The following DLG2 variants were observed in gnomAD, a reference collection of about 807,000 sequenced individuals.
DLG2 encodes the protein discs large MAGUK scaffold protein 2, also known as disks large homolog 2.
In DLG2, 45 loss-of-function variants were observed where a neutral mutation model predicts 132.5. That is an observed-to-expected ratio of 0.34 (90% CI 0.27 to 0.44). The LOEUF (loss-of-function observed/expected upper bound fraction) is 0.44. Among genes scored for constraint, DLG2 ranks in the 20% least tolerant of loss-of-function variants. The pLI, the probability that DLG2 is intolerant of heterozygous loss-of-function variation, is 1.00. For synonymous variants in DLG2, 424 were observed against 419.6 expected (o/e 1.01, Z -0.13); for missense variants, 1,045 against 1,196.9 (o/e 0.87, Z 1.87).
intron 6 of DLG2, among the ~76,000 whole-genome samples, chr11:84,921,711 A>T (rs930483758): frequency 2.0e-5 from 3 of 152,158 alleles, no homozygotes; most frequent in African/African-American, 7.2e-5. Flanking sequence ...TTTCAAAAAG[A>T]TGAGGAGGGA....
chr11:85,367,362 T>C (rs1050591810), intron 3 of DLG2, among the ~76,000 whole-genome samples: 1 of 152,138 alleles, frequency 6.6e-6, no homozygotes, highest in African/African-American at 2.4e-5. Context: ...ACCTAACTTT[T>C]CCTGTCAGTA....
intron 22 of DLG2, chr11:83,483,371 G>A (rs919184544): frequency 1.2e-5 from 14 of 1,134,636 alleles, no homozygotes; most frequent in Non-Finnish European, 1.7e-5. Flanking sequence ...GAAGTCAGTG[G>A]AGTTGAAATG....
intron 19 of DLG2, among the ~76,000 whole-genome samples, chr11:83,562,935 C>A (rs1343586704): frequency 1.4e-5 from 2 of 147,826 alleles, no homozygotes; most frequent in East Asian, 2.0e-4. Context: ...GGGGAGTTGG[C>A]AGTAATGTTT....
intron 6 of DLG2, among the ~76,000 whole-genome samples, chr11:85,023,341 C>T (rs1403338103): frequency 6.6e-6 from 1 of 152,006 alleles, no homozygotes; most frequent in African/African-American, 2.4e-5. Context: ...ATGTAAAATT[C>T]GATTTGCAAC....
chr11:84,932,344 C>A (rs983338316), intron 6 of DLG2, among the ~76,000 whole-genome samples: 1 of 152,130 alleles, frequency 6.6e-6, no homozygotes, highest in Admixed American at 6.5e-5. Context: ...ATATAACTAG[C>A]CAGTTAGCAC....
intron 12 of DLG2, among the ~76,000 whole-genome samples, chr11:83,976,469 A>C (rs2092235657): frequency 6.6e-6 from 1 of 151,880 alleles, no homozygotes; most frequent in African/African-American, 2.4e-5. Flanking sequence ...GAAGAGGGGG[A>C]AGATACAAAG....
chr11:84,359,919 T>G (rs2098639844), intron 7 of DLG2, among the ~76,000 whole-genome samples: 1 of 151,972 alleles, frequency 6.6e-6, no homozygotes, highest in Admixed American at 6.6e-5. Context: ...TACAGTAAAT[T>G]TCCTGATATA....
intron 7 of DLG2, among the ~76,000 whole-genome samples, chr11:84,388,594 G>C (rs2098780635): frequency 6.6e-6 from 1 of 151,778 alleles, no homozygotes; most frequent in Non-Finnish European, 1.5e-5. Flanking sequence ...AATTATTTCA[G>C]TACCCTGTGT....
chr11:83,622,857 G>T (rs897345236), intron 19 of DLG2, among the ~76,000 whole-genome samples: 2 of 152,146 alleles, frequency 1.3e-5, no homozygotes, highest in African/African-American at 2.4e-5. Flanking sequence ...TGTTCCATAT[G>T]CATATCAGAA....
At chr11:85,562,046 T>A (rs549892834) in intron 3 of DLG2, among the ~76,000 whole-genome samples, 1 of 151,926 alleles carries the variant, frequency 6.6e-6, no homozygotes, top group South Asian at 2.1e-4. Context: ...ACCACAGAAC[T>A]ATGTTTTCTA....
At chr11:85,043,676 CAG>C (rs2062060805) in intron 6 of DLG2, among the ~76,000 whole-genome samples, 1 of 151,672 alleles carries the variant, frequency 6.6e-6, no homozygotes, top group South Asian at 2.1e-4. Flanking sequence ...CAAAAACAAA[CAG>C]AAGAAATGAC....
intron 3 of DLG2, among the ~76,000 whole-genome samples, chr11:85,475,841 C>A (rs1485788852): frequency 6.6e-6 from 1 of 152,094 alleles, no homozygotes; most frequent in Non-Finnish European, 1.5e-5. Context: ...TGAAATCAGA[C>A]TGATTTCAAC....
At chr11:83,973,538 A>T (rs544656034) in intron 12 of DLG2, among the ~76,000 whole-genome samples, 2 of 152,144 alleles carry the variant, frequency 1.3e-5, no homozygotes, top group South Asian at 2.1e-4. Flanking sequence ...AGCCAATTGC[A>T]GGTAATTGCT....
intron 6 of DLG2, among the ~76,000 whole-genome samples, chr11:84,836,025 A>G (rs983623970): frequency 6.6e-5 from 10 of 151,832 alleles, no homozygotes; most frequent in African/African-American, 2.4e-4. Flanking sequence ...GAGAGCAGGA[A>G]CTCTGAACTC....
intron 4 of DLG2, among the ~76,000 whole-genome samples, chr11:85,266,864 T>C (rs2077244218): frequency 6.6e-6 from 1 of 152,212 alleles, no homozygotes; most frequent in Non-Finnish European, 1.5e-5. Context: ...CCTCAAAAAA[T>C]GTTAGAAACC....
At chr11:84,711,885 C>A (rs1007518237) in intron 6 of DLG2, among the ~76,000 whole-genome samples, 2 of 152,150 alleles carry the variant, frequency 1.3e-5, no homozygotes, top group African/African-American at 4.8e-5. Context: ...ATCAAGGTAC[C>A]ACATTAAGTA....
At chr11:84,878,113 G>A (rs1024277412) in intron 6 of DLG2, among the ~76,000 whole-genome samples, 15 of 152,142 alleles carry the variant, frequency 9.9e-5, no homozygotes, top group South Asian at 2.1e-4. Flanking sequence ...CACTGTTTGC[G>A]GGAGTGCAAA....
At chr11:85,555,063 G>T (rs1168347241) in intron 3 of DLG2, among the ~76,000 whole-genome samples, 1 of 151,802 alleles carries the variant, frequency 6.6e-6, no homozygotes. Context: ...AGTAACTCCT[G>T]TCCTCCCACT....
chr11:84,554,145 T>C (rs1267574634), intron 6 of DLG2, among the ~76,000 whole-genome samples: 1 of 152,232 alleles, frequency 6.6e-6, no homozygotes, highest in Non-Finnish European at 1.5e-5. Context: ...TCATTTGTAG[T>C]TCTGTGTGTT....
Sources: allele counts gnomAD v4.1 joint callset (sites outside exome capture counted in the v4.1 genomes callset), GRCh38; gene constraint gnomAD v4.1.1; transcripts MANE v1.5; gene names NCBI Gene and HGNC (gene_info 2026-07-23, HGNC 2026-07-21).